The following RNF19A variants were observed in gnomAD, a reference collection of about 807,000 sequenced individuals.
RNF19A encodes ring finger protein 19A, RBR E3 ubiquitin protein ligase.
A neutral mutation model predicts 75.7 loss-of-function variants in RNF19A; 32 were observed. The observed-to-expected ratio is 0.42, with a 90% confidence interval of 0.32 to 0.57. The LOEUF is 0.57. Ranked by LOEUF, RNF19A falls within the 20% of genes least tolerant of loss-of-function variation. RNF19A has a pLI of 0.10. For missense variants in RNF19A, 782 were observed against 1,036.3 expected (o/e 0.75, Z 3.37); for synonymous variants, 335 against 345.2 (o/e 0.97, Z 0.33).
At chr8:100,312,407 C>T, upstream of RNF19A, 1 of 152,394 alleles carries the variant, frequency 6.6e-6, no homozygotes. Context: ...AGTTCAAGAC[C>T]AGCCTGAGCA....
chr8:100,309,313 G>C (rs1822193703), intron 1 of RNF19A: 1 of 985,504 alleles, frequency 1.0e-6, no homozygotes, highest in Non-Finnish European at 1.2e-6. Context: ...TCCGAACACA[G>C]CTCCCCTCCC....
upstream of RNF19A, among the ~76,000 whole-genome samples, chr8:100,311,641 C>T (rs1032163586): frequency 1.4e-5 from 2 of 148,136 alleles, no homozygotes; most frequent in Admixed American, 1.4e-4. Context: ...TGGCGTGAAC[C>T]CGGGCGGCGG....
intron 3 of RNF19A, among the ~76,000 whole-genome samples, chr8:100,274,283 A>G (rs1319371837): frequency 1.3e-5 from 2 of 152,102 alleles, no homozygotes; most frequent in African/African-American, 4.8e-5. Context: ...GAACTACCCA[A>G]TGGCTACTGC....
chr8:100,319,926 C>A (rs1822441507), intron 1 of RNF19A, among the ~76,000 whole-genome samples: 1 of 151,248 alleles, frequency 6.6e-6, no homozygotes, highest in Admixed American at 6.6e-5. Context: ...ACCTCTGCCT[C>A]CCGGGTTCAA....
intron 2 of RNF19A, among the ~76,000 whole-genome samples, chr8:100,282,214 G>A (rs1484159853): frequency 6.6e-6 from 1 of 152,100 alleles, no homozygotes; most frequent in Non-Finnish European, 1.5e-5. Flanking sequence ...TGAGGGTGAA[G>A]GGGAAGAATG....
At position 100,330,118 on chromosome 8, in the gene RNF19A, C is replaced by G. The variant is rs75338507; in HGVS notation, c.-243+5990G>C. 6.6e-6 allele frequency among the ~76,000 whole-genome samples: 1 copy of G among 152,114 alleles called. No homozygotes were observed. Among genetic ancestry groups the G allele is most frequent in the East Asian group, 1.9e-4 (1 of 5,196 alleles). ...AGAGTTCATAATTATTCTCTACCGA[C>G]GTTTCCATCCAAACACCATCCCTTC... is the stretch of plus-strand genomic sequence containing the variant. On this transcript the variant is annotated intron_variant, in intron 1 of 3. Transcript: ENST00000519527. The surrounding 1 kb of genome is among the most constrained non-coding windows in gnomAD (Gnocchi z 4.1).
In RNF19A at chr8:100,261,771, C is replaced by G. The variant is rs943378301; in HGVS notation, c.1469-16G>C. On this transcript the variant is annotated splice_polypyrimidine_tract_variant and intron_variant, in intron 7 of 9. Coordinates refer to ENST00000341084, the MANE Select transcript of RNF19A (RefSeq NM_183419.4). This position sits in a 1 kb window ranked among gnomAD's most constrained non-coding sequence, Gnocchi z 4.4. ...GATGTTGTGTCTAAATGCAAATATT[C>G]CAAAGAAACTAAGTAAGTATGATTA... The G allele has an allele frequency of 5.0e-6, 8 of 1,609,110 alleles. No individual in the cohort carries two copies. In the East Asian group the frequency reaches 1.8e-4, roughly 36 times the overall value.
At chr8:100,268,062 A>C in intron 5 of RNF19A, among the ~76,000 whole-genome samples, 1 of 151,904 alleles carries the variant, frequency 6.6e-6, no homozygotes, top group African/African-American at 2.4e-5. Flanking sequence ...TTTTAAAAAA[A>C]GTTTTAATTT....
chr8:100,300,030 T>C (rs1276595279), intron 1 of RNF19A, among the ~76,000 whole-genome samples: 3 of 152,156 alleles, frequency 2.0e-5, no homozygotes, highest in African/African-American at 7.2e-5. Flanking sequence ...AGGTGTTTGG[T>C]AGAGATCCTA....
chr8:100,263,326 G>A (rs1016314994), intron 7 of RNF19A, among the ~76,000 whole-genome samples: 16 of 152,122 alleles, frequency 1.1e-4, no homozygotes, highest in Admixed American at 5.9e-4. Context: ...CTACCATGTC[G>A]GATATACTGT....
At chr8:100,286,480 G>T (rs1821025239) in intron 2 of RNF19A, among the ~76,000 whole-genome samples, 1 of 152,180 alleles carries the variant, frequency 6.6e-6, no homozygotes, top group African/African-American at 2.4e-5. Context: ...ATCCTTGGTG[G>T]ATGGTAAAGT....
intron 1 of RNF19A, 109 bp from the exon 2 acceptor site, chr8:100,288,376 AGTT>A (rs983247736): frequency 4.2e-6 from 3 of 719,424 alleles, no homozygotes; most frequent in Non-Finnish European, 5.8e-6. Context: ...CATTAGTAGT[AGTT>A]GTTTTTTTTA....
chr8:100,302,188 T>C (rs904235547), intron 1 of RNF19A, among the ~76,000 whole-genome samples: 1 of 152,202 alleles, frequency 6.6e-6, no homozygotes, highest in African/African-American at 2.4e-5. Context: ...AATCTAAGTT[T>C]AAAAGGATCA....
In RNF19A at chr8:100,262,410, A is replaced by G. The variant is rs139078260; in HGVS notation, c.1469-655T>C. The stretch of plus-strand genomic sequence containing the variant: ...CTTGTAGAGACAAATGAAGTAAAAC[A>G]GTGAGTCATGAAATTTTCTAGGGAA... On this transcript the variant is annotated intron_variant, in intron 7 of 9. Transcript: ENST00000341084. 3.4e-3 allele frequency among the ~76,000 whole-genome samples: 521 copies of G among 152,342 alleles called. 2 individuals are homozygous for G. The highest frequency in any genetic ancestry group is 0.012 in the African/African-American group (485 of 41,580).
chr8:100,278,067 T>C (rs1327292010), intron 2 of RNF19A, among the ~76,000 whole-genome samples: 1 of 152,248 alleles, frequency 6.6e-6, no homozygotes, highest in Non-Finnish European at 1.5e-5. Context: ...CACTTAATAC[T>C]TGTGTAATTT....
At chr8:100,271,648 A>G (rs561937365) in intron 3 of RNF19A, among the ~76,000 whole-genome samples, 3 of 152,318 alleles carry the variant, frequency 2.0e-5, no homozygotes, top group Admixed American at 2.0e-4. Flanking sequence ...ATCACACATG[A>G]GAATTAATAC....
At chr8:100,298,740 T>C (rs986440273) in intron 1 of RNF19A, among the ~76,000 whole-genome samples, 3 of 152,182 alleles carry the variant, frequency 2.0e-5, no homozygotes, top group Non-Finnish European at 4.4e-5. Flanking sequence ...ATAATACTCA[T>C]TACAAGTAAT....
intron 1 of RNF19A, among the ~76,000 whole-genome samples, chr8:100,307,756 C>A (rs527830747): frequency 6.6e-6 from 1 of 152,124 alleles, no homozygotes; most frequent in Non-Finnish European, 1.5e-5. Context: ...TACTGCTTTA[C>A]GACTTCACTT....
chr8:100,283,725 A>T (rs1166177363), intron 2 of RNF19A, among the ~76,000 whole-genome samples: 1 of 152,246 alleles, frequency 6.6e-6, no homozygotes, highest in African/African-American at 2.4e-5. Context: ...GAAAATGTTC[A>T]TACCTATAAA....
Sources: gnomAD v4.1 joint callset for allele counts (sites outside exome capture counted in the v4.1 genomes callset) on GRCh38, gnomAD v4.1.1 for gene constraint, Gnocchi (gnomAD v3.1) non-coding constraint, MANE v1.5 for transcripts, NCBI Gene and HGNC (gene_info 2026-07-23, HGNC 2026-07-21) for gene names.